NBEAL1: variants seen among roughly 807,000 people sequenced by gnomAD.
The protein encoded by NBEAL1 is neurobeachin-like protein 1.
Under a neutral mutation model 351.3 loss-of-function variants are expected in NBEAL1, and 273 were observed. The ratio of observed to expected loss-of-function variants is 0.78; its 90% CI spans 0.70 to 0.86. The LOEUF (loss-of-function observed/expected upper bound fraction) is 0.86, where lower values mean the gene tolerates loss of function less well. Ranked by LOEUF, NBEAL1 falls within the 40% of genes least tolerant of loss-of-function variation. The probability of loss-of-function intolerance (pLI) is 0.00; values close to 1 mark genes in which losing one functional copy is unlikely to be tolerated. For missense variants in NBEAL1, 2,961 were observed against 3,201.3 expected (o/e 0.92, Z 1.81); for synonymous variants, 1,050 against 1,086.4 (o/e 0.97, Z 0.66).
intron 2 of NBEAL1, among the ~76,000 whole-genome samples, chr2:203,017,630 A>G (rs1362672937): frequency 6.6e-6 from 1 of 152,190 alleles, no homozygotes; most frequent in East Asian, 1.9e-4. Context: ...TAGTAGTTTG[A>G]AAATGATTTA....
chr2:203,066,707 C>T (rs1212451770), intron 6 of NBEAL1, among the ~76,000 whole-genome samples: 3 of 150,276 alleles, frequency 2.0e-5, no homozygotes, highest in African/African-American at 4.9e-5. Context: ...GATGGGGCGG[C>T]CGGGCAGAGG....
At chr2:203,057,007 T>C (rs2061414511) in intron 5 of NBEAL1, among the ~76,000 whole-genome samples, 1 of 152,238 alleles carries the variant, frequency 6.6e-6, no homozygotes, top group Admixed American at 6.5e-5. Flanking sequence ...CAAGTAGTTA[T>C]TATATATACT....
At chr2:203,180,358 T>TTC in intron 42 of NBEAL1, 24 bp from the exon 43 acceptor site, 1 of 1,588,286 alleles carries the variant, frequency 6.3e-7, no homozygotes, top group Non-Finnish European at 8.5e-7. Context: ...CAATATTTAC[T>TTC]TCTCTTTTAA....
At chr2:203,028,815 A>C (rs1327364072) in intron 2 of NBEAL1, among the ~76,000 whole-genome samples, 1 of 152,000 alleles carries the variant, frequency 6.6e-6, no homozygotes, top group African/African-American at 2.4e-5. Context: ...AATTTTTTAA[A>C]AATTTATAAA....
chr2:203,190,210 CA>C, intron 45 of NBEAL1, 81 bp from the exon 46 acceptor site: 4 of 642,334 alleles, frequency 6.2e-6, no homozygotes, highest in Admixed American at 2.5e-5. Context: ...ACACACACAC[CA>C]ATGAGCCTGA....
intron 39 of NBEAL1, among the ~76,000 whole-genome samples, chr2:203,170,612 T>A (rs1401661256): frequency 6.6e-6 from 1 of 152,218 alleles, no homozygotes; most frequent in Non-Finnish European, 1.5e-5. Flanking sequence ...CGTAGTCTCT[T>A]AATCAGGGTC....
chr2:203,018,444 C>T (rs1428559138), intron 2 of NBEAL1, among the ~76,000 whole-genome samples: 5 of 95,896 alleles, frequency 5.2e-5, no homozygotes, highest in Non-Finnish European at 1.4e-4. Flanking sequence ...TTGAACAAGA[C>T]TTACTCTTTG....
At chr2:203,038,271 G>C (rs918423071) in intron 2 of NBEAL1, among the ~76,000 whole-genome samples, 2 of 148,992 alleles carry the variant, frequency 1.3e-5, no homozygotes, top group African/African-American at 4.9e-5. Context: ...TGTTTGATAT[G>C]TGTATATTTA....
intron 28 of NBEAL1, 48 bp downstream of exon 28, chr2:203,136,300 TATA>T: frequency 8.0e-7 from 1 of 1,251,414 alleles, no homozygotes; most frequent in South Asian, 1.4e-5. Context: ...TCATGTCTGA[TATA>T]TACTTCTAAT....
At chr2:203,123,705 C>T (rs2062879052) in intron 19 of NBEAL1, among the ~76,000 whole-genome samples, 1 of 152,046 alleles carries the variant, frequency 6.6e-6, no homozygotes, top group Admixed American at 6.5e-5. Flanking sequence ...TTAACTTTTG[C>T]TTTACTTGTA....
rs562189383 is a variant in NBEAL1, at chr2:203,222,749, A to G, written c.*5395A>G. On this transcript the variant is annotated 3_prime_UTR_variant, in exon 56 of 56. Coordinates refer to ENST00000683969, the MANE Select transcript of NBEAL1 (RefSeq NM_001378026.1). ...ATGACTAACATGCTAAATTTAAAAC[A>G]TAAAAGTAGATCTCTTAGAGCCTTG... Among the ~76,000 whole-genome samples, 67 of 134,392 alleles carry G rather than the reference A, an allele frequency of 5.0e-4. No individual in the cohort carries two copies. Among genetic ancestry groups the G allele is most frequent in the Non-Finnish European group, 1.0e-3 (59 of 57,314 alleles). The allele number at this position is 134,392 out of a possible 152,430, so 88.2% of individuals were successfully genotyped here.
At chr2:203,054,425 C>CAA (rs755176233) in intron 4 of NBEAL1, among the ~76,000 whole-genome samples, 3 of 115,592 alleles carry the variant, frequency 2.6e-5, no homozygotes, top group African/African-American at 3.2e-5. Flanking sequence ...GACTCAGTCT[C>CAA]AAAAAAAAAA....
chr2:203,152,057 A>G (rs1320448141), intron 35 of NBEAL1, among the ~76,000 whole-genome samples: 2 of 151,944 alleles, frequency 1.3e-5, no homozygotes, highest in African/African-American at 4.8e-5. Context: ...TCCAGGGTTC[A>G]AGCAATTCTC....
chr2:203,127,098 G>A (rs1314865573), intron 23 of NBEAL1, among the ~76,000 whole-genome samples, 172 bp downstream of exon 23: 1 of 152,176 alleles, frequency 6.6e-6, no homozygotes, highest in Non-Finnish European at 1.5e-5. Flanking sequence ...CATACACTGA[G>A]TTTGAATCTG....
Position 203,130,440 on chromosome 2 carries a change from G to A in NBEAL1, c.3528G>A (p.Gln1176=). ...ADILYALLLN[Q]KYSDRLREII... The stretch of plus-strand genomic sequence containing the variant: ...TACTGTACGCATTGCTCTTAAATCA[G>A]AAGTACTCTGACAGACTAAGAGAAA... The change falls in exon 25 of 56, where the codon CAG becomes CAA. Residue 1176 remains glutamine, a synonymous_variant. Coordinates refer to ENST00000683969, the MANE Select transcript of NBEAL1 (RefSeq NM_001378026.1). 6.8e-7 allele frequency: 1 copy of A among 1,476,228 alleles called. No individual in the cohort carries two copies. The highest frequency in any genetic ancestry group is 8.9e-7 in the Non-Finnish European group (1 of 1,120,410). 91.4% of individuals were successfully genotyped at this position (1,476,228 alleles called of 1,614,324 possible). A position where few individuals can be genotyped will look rare whatever the true frequency, so the allele number is the denominator to read the frequency against.
intron 24 of NBEAL1, 68 bp from the exon 25 acceptor site, chr2:203,130,250 C>T (rs2063042842): frequency 1.5e-6 from 2 of 1,363,508 alleles, no homozygotes; most frequent in Non-Finnish European, 1.9e-6. Context: ...ACTTTTGTGG[C>T]TTATGACCTT....
intron 11 of NBEAL1, among the ~76,000 whole-genome samples, chr2:203,098,166 A>T (rs1373988389): frequency 6.6e-6 from 1 of 152,224 alleles, no homozygotes; most frequent in African/African-American, 2.4e-5. Context: ...AGGTATAATA[A>T]AGCAAAAATA....
intron 18 of NBEAL1, 114 bp downstream of exon 18, chr2:203,116,184 C>A: frequency 1.4e-6 from 1 of 729,722 alleles, no homozygotes; most frequent in Non-Finnish European, 2.3e-6. Flanking sequence ...GTTTGAATTG[C>A]CATCAAAATA....
chr2:203,024,690 C>A (rs541920192), intron 2 of NBEAL1, among the ~76,000 whole-genome samples: 1 of 152,028 alleles, frequency 6.6e-6, no homozygotes, highest in Admixed American at 6.6e-5. Context: ...TGGTGAAACC[C>A]GTCTCTACTA....
Sources: allele counts gnomAD v4.1 joint callset (sites outside exome capture counted in the v4.1 genomes callset), GRCh38; gene constraint gnomAD v4.1.1; transcripts MANE v1.5; gene names NCBI Gene and HGNC (gene_info 2026-07-23, HGNC 2026-07-21).